Variants in FOXP1 observed in about 807,000 individuals in gnomAD.
FOXP1 encodes the protein forkhead box P1, also known as forkhead box protein P1.
A neutral mutation model predicts 98.2 loss-of-function variants in FOXP1; 15 were observed. That is an observed-to-expected ratio of 0.15 (90% CI 0.10 to 0.24). The LOEUF is 0.24. Among genes scored for constraint, FOXP1 ranks in the 10% least tolerant of loss-of-function variants. FOXP1 has a pLI of 1.00. For synonymous variants in FOXP1, 371 were observed against 314.5 expected (o/e 1.18, Z -1.90); for missense variants, 633 against 848.5 (o/e 0.75, Z 3.15).
chr3:70,984,289 A>T (rs1172257025), intron 14 of FOXP1, among the ~76,000 whole-genome samples: 4 of 152,222 alleles, frequency 2.6e-5, no homozygotes, highest in African/African-American at 9.6e-5. Flanking sequence ...CTCACCAATC[A>T]GAGGGACCGA....
intron 7 of FOXP1, among the ~76,000 whole-genome samples, chr3:71,096,577 C>T (rs2056476540): frequency 6.6e-6 from 1 of 152,120 alleles, no homozygotes; most frequent in African/African-American, 2.4e-5. Context: ...ATTATGTGAG[C>T]ACCTGACTGG....
intron 6 of FOXP1, among the ~76,000 whole-genome samples, chr3:71,180,557 C>G (rs1283513774): frequency 6.6e-6 from 1 of 152,128 alleles, no homozygotes; most frequent in Non-Finnish European, 1.5e-5. Flanking sequence ...CCAAAGGATA[C>G]TCTTAGTAAA....
chr3:70,991,069 T>TTA (rs397706892), intron 13 of FOXP1, among the ~76,000 whole-genome samples: 1 of 149,176 alleles, frequency 6.7e-6, no homozygotes, highest in Admixed American at 6.7e-5. Flanking sequence ...TTTTTTTTTT[T>TTA]AAGAAAAGTG....
intron 10 of FOXP1, among the ~76,000 whole-genome samples, chr3:71,043,167 T>C (rs1359319722): frequency 6.6e-6 from 1 of 152,208 alleles, no homozygotes; most frequent in African/African-American, 2.4e-5. Flanking sequence ...ATATATATTA[T>C]AAAGGAGGCT....
At chr3:71,003,870 T>C (rs1435035200) in intron 12 of FOXP1, among the ~76,000 whole-genome samples, 1 of 152,116 alleles carries the variant, frequency 6.6e-6, no homozygotes, top group Non-Finnish European at 1.5e-5. Flanking sequence ...ATCCAATATA[T>C]TATATATATC....
At chr3:71,148,920 C>T (rs1253852787) in intron 6 of FOXP1, among the ~76,000 whole-genome samples, 10 of 152,070 alleles carry the variant, frequency 6.6e-5, no homozygotes, top group Non-Finnish European at 1.5e-4. Flanking sequence ...TACATGAGTT[C>T]AAAAAGGAGG....
intron 5 of FOXP1, chr3:71,289,507 C>T (rs2072528745): frequency 6.6e-6 from 1 of 152,202 alleles, no homozygotes; most frequent in Non-Finnish European, 1.5e-5. Flanking sequence ...GTGTGAGCCC[C>T]CATGCTCAGC....
At chr3:71,505,210 T>G (rs1247833755) in intron 2 of FOXP1, among the ~76,000 whole-genome samples, 1 of 152,098 alleles carries the variant, frequency 6.6e-6, no homozygotes, top group Non-Finnish European at 1.5e-5. Flanking sequence ...ACCTCTACGT[T>G]GCCTCCCACT....
chr3:71,130,059 T>G (rs950028333), intron 6 of FOXP1, among the ~76,000 whole-genome samples: 1 of 152,216 alleles, frequency 6.6e-6, no homozygotes, highest in Non-Finnish European at 1.5e-5. Flanking sequence ...GACGGTGTCG[T>G]GATGCAAACA....
At chr3:71,475,724 C>A (rs985206444) in intron 3 of FOXP1, among the ~76,000 whole-genome samples, 1 of 151,974 alleles carries the variant, frequency 6.6e-6, no homozygotes, top group African/African-American at 2.4e-5. Context: ...CACCTGTAAT[C>A]CCAGCTACTC....
chr3:71,433,948 C>T (rs34505034), intron 3 of FOXP1, among the ~76,000 whole-genome samples: 13,661 of 152,266 alleles, frequency 0.09, 896 homozygotes, highest in African/African-American at 0.18. Context: ...AGCTTCCTGG[C>T]TGGCTTAAAT....
chr3:71,243,344 T>C (rs1382795620), intron 5 of FOXP1, among the ~76,000 whole-genome samples: 2 of 152,196 alleles, frequency 1.3e-5, no homozygotes, highest in Non-Finnish European at 2.9e-5. Context: ...CTACAGTGCA[T>C]GCACAGAGAT....
chr3:71,390,857 C>G (rs938700840), intron 3 of FOXP1, among the ~76,000 whole-genome samples: 1 of 152,174 alleles, frequency 6.6e-6, no homozygotes, highest in African/African-American at 2.4e-5. Context: ...ATGAGCCCCC[C>G]ATCTGAGACA....
intron 6 of FOXP1, among the ~76,000 whole-genome samples, chr3:71,136,293 T>C (rs1247232088): frequency 2.6e-5 from 4 of 152,240 alleles, no homozygotes. Flanking sequence ...TTTCCTGTTA[T>C]TGAAAGAAAA....
chr3:71,320,767 T>C (rs138415178), intron 4 of FOXP1, among the ~76,000 whole-genome samples: 1 of 152,328 alleles, frequency 6.6e-6, no homozygotes, highest in Non-Finnish European at 1.5e-5. Flanking sequence ...CTTCTTTGGT[T>C]CCTTCATAAA....
At chr3:71,030,634 T>C (rs1207843884) in intron 11 of FOXP1, among the ~76,000 whole-genome samples, 1 of 152,252 alleles carries the variant, frequency 6.6e-6, no homozygotes, top group Non-Finnish European at 1.5e-5. Flanking sequence ...TTTGGTTGAA[T>C]GGATATACCT....
chr3:71,033,625 A>G (rs79448216), intron 11 of FOXP1, among the ~76,000 whole-genome samples: 1 of 143,614 alleles, frequency 7.0e-6, no homozygotes, highest in Non-Finnish European at 1.5e-5. Flanking sequence ...AAAAAAAAAA[A>G]AACAACCCAT....
At chr3:71,386,447 T>A (rs1204867475) in intron 3 of FOXP1, among the ~76,000 whole-genome samples, 1 of 152,162 alleles carries the variant, frequency 6.6e-6, no homozygotes, top group African/African-American at 2.4e-5. Flanking sequence ...TAACTACGCA[T>A]AATAATAGAA....
chr3:71,465,309 G>GA (rs869106717), intron 3 of FOXP1, among the ~76,000 whole-genome samples: 1,295 of 112,150 alleles, frequency 0.012, 13 homozygotes, highest in East Asian at 0.016. Flanking sequence ...CTCTGTCTCA[G>GA]AAAAAAAAAA....
Sources: gnomAD v4.1 joint callset for allele counts (sites outside exome capture counted in the v4.1 genomes callset) on GRCh38, gnomAD v4.1.1 for gene constraint, MANE v1.5 for transcripts, NCBI Gene and HGNC (gene_info 2026-07-23, HGNC 2026-07-21) for gene names.